Variants in PLCXD3 observed in about 807,000 individuals in gnomAD.
The protein encoded by PLCXD3 is PI-PLC X domain-containing protein 3.
PLCXD3 carries 19 observed loss-of-function variants against 25.5 expected under a neutral mutation model. That is an observed-to-expected ratio of 0.75 (90% CI 0.52 to 1.09). The LOEUF (loss-of-function observed/expected upper bound fraction) is 1.09, where lower values mean the gene tolerates loss of function less well. Ranked by LOEUF, PLCXD3 falls within the 50% of genes least tolerant of loss-of-function variation. The probability of loss-of-function intolerance (pLI) is 0.00; values close to 1 mark genes in which losing one functional copy is unlikely to be tolerated. For missense variants in PLCXD3, 411 were observed against 388.1 expected, an observed-to-expected ratio of 1.06 and a Z score of -0.50; for synonymous variants, 174 against 137.6, an observed-to-expected ratio of 1.26 and a Z score of -1.85.
At chr5:41,362,951 T>G (rs11739969) in intron 2 of PLCXD3, among the ~76,000 whole-genome samples, 24,373 of 152,170 alleles carry the variant, frequency 0.16, 3,197 homozygotes, top group East Asian at 0.36. Context: ...GAAACTAGTG[T>G]TTAGTATTTA....
At chr5:41,315,601 G>A (rs1027305467) in intron 2 of PLCXD3, among the ~76,000 whole-genome samples, 5 of 152,112 alleles carry the variant, frequency 3.3e-5, no homozygotes, top group Non-Finnish European at 5.9e-5. Flanking sequence ...AAAATCAGAT[G>A]AGTACCTTTA....
intron 2 of PLCXD3, among the ~76,000 whole-genome samples, chr5:41,326,510 T>A (rs1743631704): frequency 6.6e-6 from 1 of 152,190 alleles, no homozygotes; most frequent in Non-Finnish European, 1.5e-5. Flanking sequence ...TTATTGCTAC[T>A]TCCTGTTCAT....
At position 41,422,852 on chromosome 5, in the gene PLCXD3, T is replaced by C. The variant is rs533235724; in HGVS notation, c.104-40318A>G. ...GCTGGTCCTCCAACCCAGTGCTAAA[T>C]AGCAGTAATAAAAACAGGCATCTTT... On this transcript the variant is annotated intron_variant, in intron 1 of 2. Transcript: ENST00000377801. Among the ~76,000 whole-genome samples the C allele has an allele frequency of 6.6e-5, 10 of 152,282 alleles. No homozygotes were observed. In the East Asian group the frequency reaches 1.9e-3, roughly 29 times the overall value.
intron 1 of PLCXD3, among the ~76,000 whole-genome samples, chr5:41,403,407 T>TTTTTGTTTTTTTTTAC: frequency 2.9e-5 from 1 of 34,522 alleles, no homozygotes; most frequent in Middle Eastern, 0.012. Context: ...TGTTGTTTTT[T>TTTTTGTTTTTTTTTAC]TTTTTTTTTA....
intron 2 of PLCXD3, among the ~76,000 whole-genome samples, chr5:41,321,345 C>T (rs1251655106): frequency 6.6e-6 from 1 of 152,008 alleles, no homozygotes; most frequent in Non-Finnish European, 1.5e-5. Flanking sequence ...TTTACAATAG[C>T]CACACATAAA....
chr5:41,453,759 G>C (rs1384242184), intron 1 of PLCXD3, among the ~76,000 whole-genome samples: 1 of 151,868 alleles, frequency 6.6e-6, no homozygotes, highest in Non-Finnish European at 1.5e-5. Flanking sequence ...CCAATGCTTG[G>C]TCAGGATAAT....
chr5:41,443,050 A>T (rs1747417605), intron 1 of PLCXD3, among the ~76,000 whole-genome samples: 1 of 148,802 alleles, frequency 6.7e-6, no homozygotes, highest in Non-Finnish European at 1.5e-5. Flanking sequence ...ATACATATAT[A>T]ATAATAATAT....
At chr5:41,397,665 T>A (rs986416927) in intron 1 of PLCXD3, among the ~76,000 whole-genome samples, 1 of 152,104 alleles carries the variant, frequency 6.6e-6, no homozygotes, top group African/African-American at 2.4e-5. Flanking sequence ...ACTGATAGCT[T>A]GCAATGTGTG....
At position 41,309,252 on chromosome 5, in the gene PLCXD3, A is replaced by C. The variant is rs1415419543; in HGVS notation, c.*4365T>G. Reference sequence around the variant, plus strand: ...AACAGATTCAATTGACATGTTTTACAAATTCTACAGAACACTTTATCATTA... The same window carrying C: ...AACAGATTCAATTGACATGTTTTACCAATTCTACAGAACACTTTATCATTA... On this transcript the variant is annotated 3_prime_UTR_variant, in exon 3 of 3. Transcript: ENST00000377801. 4 of 152,632 alleles carry C rather than the reference A, an allele frequency of 2.6e-5. No individual in the cohort carries two copies. The Admixed American group carries it at 2.6e-4, about 10-fold the overall frequency. 9.5% of individuals were successfully genotyped at this position (152,632 alleles called of 1,614,324 possible).
At chr5:41,473,469 AATT>A (rs957796571) in intron 1 of PLCXD3, among the ~76,000 whole-genome samples, 4 of 150,778 alleles carry the variant, frequency 2.7e-5, no homozygotes, top group East Asian at 1.9e-4. Flanking sequence ...AATTAATAAT[AATT>A]ATTATTATTT....
chr5:41,367,900 C>A (rs1222356611), intron 2 of PLCXD3, among the ~76,000 whole-genome samples: 2 of 152,062 alleles, frequency 1.3e-5, no homozygotes, highest in East Asian at 1.9e-4. Context: ...ATAGGGAATC[C>A]TTTTCTCATT....
At chr5:41,488,520 G>A (rs1324533959) in intron 1 of PLCXD3, among the ~76,000 whole-genome samples, 1,392 of 135,316 alleles carry the variant, frequency 0.01, 33 homozygotes, top group African/African-American at 0.039. Flanking sequence ...TTCCACAAGG[G>A]TTGAACTAGT....
chr5:41,459,368 G>A (rs1037236001), intron 1 of PLCXD3, among the ~76,000 whole-genome samples: 1 of 151,738 alleles, frequency 6.6e-6, no homozygotes, highest in African/African-American at 2.4e-5. Context: ...CTGCTTAAAA[G>A]CCCTTCAATT....
At chr5:41,428,505 A>C (rs571852742) in intron 1 of PLCXD3, among the ~76,000 whole-genome samples, 1 of 152,034 alleles carries the variant, frequency 6.6e-6, no homozygotes, top group South Asian at 2.1e-4. Flanking sequence ...ACGTGAGGAC[A>C]CAGAGAGGTC....
intron 2 of PLCXD3, among the ~76,000 whole-genome samples, chr5:41,364,091 G>T (rs1359417114): frequency 6.6e-6 from 1 of 152,100 alleles, no homozygotes; most frequent in Non-Finnish European, 1.5e-5. Context: ...GGGTGGGCAT[G>T]GGGGGAGGGC....
At chr5:41,364,544 G>A (rs1167421289) in intron 2 of PLCXD3, among the ~76,000 whole-genome samples, 2 of 152,148 alleles carry the variant, frequency 1.3e-5, no homozygotes, top group African/African-American at 4.8e-5. Flanking sequence ...GAAAATTAAA[G>A]CAACTTAAAA....
At chr5:41,432,787 G>T (rs1747148902) in intron 1 of PLCXD3, among the ~76,000 whole-genome samples, 3 of 152,164 alleles carry the variant, frequency 2.0e-5, no homozygotes, top group South Asian at 4.1e-4. Context: ...CCAATCTTTT[G>T]CCTCAAATAA....
intron 1 of PLCXD3, among the ~76,000 whole-genome samples, chr5:41,488,920 G>A (rs750426288): frequency 0.04 from 6,055 of 151,736 alleles, 181 homozygotes; most frequent in Admixed American, 0.063. Context: ...CTGTGCAGAA[G>A]CTCTTTAGTT....
At chr5:41,470,797 A>G (rs535469292) in intron 1 of PLCXD3, among the ~76,000 whole-genome samples, 3 of 152,318 alleles carry the variant, frequency 2.0e-5, no homozygotes, top group Admixed American at 1.3e-4. Context: ...AGAAAAAAAT[A>G]CCTTCCACCA....
Sources: gnomAD v4.1 joint callset for allele counts (sites outside exome capture counted in the v4.1 genomes callset) on GRCh38, gnomAD v4.1.1 for gene constraint, MANE v1.5 for transcripts, NCBI Gene and HGNC (gene_info 2026-07-23, HGNC 2026-07-21) for gene names.